Variants in DENND4C observed in about 807,000 individuals in gnomAD.
DENND4C encodes DENN domain containing 4C.
DENND4C carries 108 observed loss-of-function variants against 203.0 expected under a neutral mutation model. The observed-to-expected ratio is 0.53, with a 90% confidence interval of 0.46 to 0.62. The LOEUF is 0.62. Among genes scored for constraint, DENND4C ranks in the 20% least tolerant of loss-of-function variants. The probability of loss-of-function intolerance (pLI) is 0.00; values close to 1 mark genes in which losing one functional copy is unlikely to be tolerated. For synonymous variants in DENND4C, 871 were observed against 792.4 expected, an observed-to-expected ratio of 1.10 and a Z score of -1.67; for missense variants, 2,481 against 2,301.2, an observed-to-expected ratio of 1.08 and a Z score of -1.60.
At chr9:19,263,630 G>C in intron 1 of DENND4C, among the ~76,000 whole-genome samples, 1 of 150,812 alleles carries the variant, frequency 6.6e-6, no homozygotes, top group Non-Finnish European at 1.5e-5. Flanking sequence ...ATGTTCATTG[G>C]AGATAGTGGC....
chr9:19,273,396 C>T (rs1289915914), intron 1 of DENND4C, among the ~76,000 whole-genome samples: 1 of 151,960 alleles, frequency 6.6e-6, no homozygotes, highest in Non-Finnish European at 1.5e-5. Flanking sequence ...GACATGATTT[C>T]TTACGACATC....
In DENND4C at chr9:19,346,385, G is replaced by T; in HGVS notation, c.3616G>T (p.Glu1206Ter). The change falls in exon 23 of 33, where the codon GAG becomes TAG. Residue 1206 changes from glutamate to a stop codon, truncating the protein, a stop_gained. Coordinates refer to ENST00000434457, the MANE Select transcript of DENND4C (RefSeq NM_001330640.2). LOFTEE classifies it high-confidence loss of function. ...AACTACTGCAACAGTAGATACATAT[G>T]AGAGTCTACTAAGTGATAGTAACAG... ...PKTTATVDTY[E>*]SLLSDSNSNQ... 1 of 1,614,018 alleles carries T rather than the reference G, an allele frequency of 6.2e-7. No individual in the cohort carries two copies. The highest frequency in any genetic ancestry group is 1.1e-5 in the South Asian group (1 of 91,030).
rs57502743 is a variant in DENND4C at position 19,243,218 on chromosome 9, G to A, written c.-18+12385G>A. 1.3e-3 allele frequency among the ~76,000 whole-genome samples: 192 copies of A among 152,048 alleles called. No homozygotes were observed. The East Asian group carries it at 0.031, about 24-fold the overall frequency. On this transcript the variant is annotated intron_variant, in intron 1 of 32. Coordinates refer to ENST00000434457, the MANE Select transcript of DENND4C (RefSeq NM_001330640.2). ...TGACTTTATAGATTTACCTATTTTG[G>A]ACATTTCATAGAAATGAAGTCATAC...
intron 2 of DENND4C, among the ~76,000 whole-genome samples, chr9:19,284,256 A>G (rs748563397): frequency 6.6e-6 from 1 of 152,206 alleles, no homozygotes; most frequent in African/African-American, 2.4e-5. Flanking sequence ...CTAAGAGTAT[A>G]TACTGGCAAT....
At chr9:19,247,883 CT>C (rs1825667290) in intron 1 of DENND4C, among the ~76,000 whole-genome samples, 1 of 152,150 alleles carries the variant, frequency 6.6e-6, no homozygotes, top group East Asian at 1.9e-4. Flanking sequence ...CTTTTTTCCC[CT>C]TTTACTTCCA....
chr9:19,359,541 C>T (rs148926015), intron 28 of DENND4C, among the ~76,000 whole-genome samples: 3 of 151,896 alleles, frequency 2.0e-5, no homozygotes, highest in African/African-American at 7.3e-5. Flanking sequence ...TCTTATATGA[C>T]AAGATGTTTT....
intron 10 of DENND4C, among the ~76,000 whole-genome samples, chr9:19,307,714 G>A (rs1444945838): frequency 6.7e-6 from 1 of 148,800 alleles, no homozygotes; most frequent in African/African-American, 2.5e-5. Flanking sequence ...AGGTTGCAGT[G>A]AGCGGAGATC....
Position 19,287,012 on chromosome 9 carries a change from T to C in DENND4C, c.549T>C (p.Asn183=), listed in dbSNP as rs374395814. The change falls in exon 3 of 33, where the codon AAT becomes AAC. Residue 183 remains asparagine (N), a synonymous_variant. Coordinates refer to ENST00000434457, the MANE Select transcript of DENND4C (RefSeq NM_001330640.2). ...HTFCKVDKNL[N]CGMWGSSVFL... ...TCTGCAAAGTTGACAAAAACTTAAA[T>C]TGTGGAATGGTAAGAATAAAGTTTT... 2.0e-5 allele frequency: 25 copies of C among 1,232,010 alleles called. No individual in the cohort carries two copies. The East Asian group carries it at 3.5e-4, about 17-fold the overall frequency. 76.3% of individuals were successfully genotyped at this position (1,232,010 alleles called of 1,614,324 possible).
intron 1 of DENND4C, among the ~76,000 whole-genome samples, chr9:19,254,263 A>G (rs892948556): frequency 6.6e-6 from 1 of 152,218 alleles, no homozygotes; most frequent in African/African-American, 2.4e-5. Context: ...TGAAATCAGT[A>G]GATTGAAGAG....
chr9:19,372,301 A>G lies in DENND4C; in HGVS notation c.*128A>G. The G allele has an allele frequency of 2.7e-6, 3 of 1,129,000 alleles. No individual in the cohort carries two copies. The highest frequency in any genetic ancestry group is 1.5e-5 in the African/African-American group (1 of 64,530). 69.9% of individuals were successfully genotyped at this position (1,129,000 alleles called of 1,614,324 possible). ...AATTGAAGTAACTCTTGGGGACAAT[A>G]TATAATGAATTATGATTCATATTGC... On this transcript the variant is annotated 3_prime_UTR_variant, in exon 33 of 33. Coordinates refer to ENST00000434457, the MANE Select transcript of DENND4C (RefSeq NM_001330640.2).
chr9:19,250,958 G>A (rs1201312396), intron 1 of DENND4C, among the ~76,000 whole-genome samples: 1 of 152,194 alleles, frequency 6.6e-6, no homozygotes, highest in Non-Finnish European at 1.5e-5. Flanking sequence ...TGCAAACTGT[G>A]GGAGGATCTA....
Position 19,286,673 on chromosome 9 carries a change from C to G in DENND4C, c.306-96C>G, listed in dbSNP as rs957523001. ...ATTTTCTTTGATTTCAAGAAGAAAA[C>G]CAGCATTAACCTGAAATGCATGTAC... is the stretch of plus-strand genomic sequence containing the variant. On this transcript the variant is annotated intron_variant, in intron 2 of 32. Coordinates refer to ENST00000434457, the MANE Select transcript of DENND4C (RefSeq NM_001330640.2). 3.5e-5 allele frequency: 40 copies of G among 1,136,694 alleles called. No homozygotes were observed. The African/African-American group carries it at 5.6e-4, about 16-fold the overall frequency. The allele number at this position is 1,136,694 out of a possible 1,614,324, so 70.4% of individuals were successfully genotyped here.
intron 2 of DENND4C, 41 bp from the exon 3 acceptor site, chr9:19,286,728 G>A (rs1835289674): frequency 8.2e-7 from 1 of 1,220,946 alleles, no homozygotes; most frequent in Non-Finnish European, 1.0e-6. Flanking sequence ...ATGTGTGTAT[G>A]TATATATCTA....
At chr9:19,254,623 C>T (rs149767494) in intron 1 of DENND4C, among the ~76,000 whole-genome samples, 58 of 152,168 alleles carry the variant, frequency 3.8e-4, no homozygotes, top group African/African-American at 1.3e-3. Context: ...TAATGTACAG[C>T]ATGGTTACTA....
chr9:19,371,508 T>G (rs1001115279), intron 31 of DENND4C: 17 of 268,532 alleles, frequency 6.3e-5, no homozygotes, highest in African/African-American at 3.8e-4. Context: ...TGTTTTAACT[T>G]TAATTTGGAA....
At chr9:19,231,909 TGA>T (rs925031595) in intron 1 of DENND4C, among the ~76,000 whole-genome samples, 17 of 152,076 alleles carry the variant, frequency 1.1e-4, no homozygotes, top group African/African-American at 4.1e-4. Context: ...CTGTGTATAA[TGA>T]GAGGGGAGAA....
chr9:19,358,323 C>A lies in DENND4C; in HGVS notation c.5160+163C>A, dbSNP rs369780786. 1.9e-4 allele frequency among the ~76,000 whole-genome samples: 29 copies of A among 152,170 alleles called. 2 individuals are homozygous for A. Among genetic ancestry groups the A allele is most frequent in the Admixed American group, 7.8e-4 (12 of 15,290 alleles). ...TATTGTGGAGAATTTCAAATATGTA[C>A]AAAAAGAAACAGTATAATGAGTCCC... On this transcript the variant is annotated intron_variant, in intron 28 of 32. Coordinates refer to ENST00000434457, the MANE Select transcript of DENND4C (RefSeq NM_001330640.2). This position sits in a 1 kb window ranked among gnomAD's most constrained non-coding sequence, Gnocchi z 4.8.
At chr9:19,277,631 C>T (rs1833146774) in intron 2 of DENND4C, among the ~76,000 whole-genome samples, 1 of 151,246 alleles carries the variant, frequency 6.6e-6, no homozygotes, top group Non-Finnish European at 1.5e-5. Context: ...CCTTCCTTTG[C>T]AGTTTGGATG....
At chr9:19,349,067 G>A (rs1262058698) in intron 23 of DENND4C, among the ~76,000 whole-genome samples, 1 of 152,072 alleles carries the variant, frequency 6.6e-6, no homozygotes, top group Non-Finnish European at 1.5e-5. Flanking sequence ...CCAAAGTGCT[G>A]GGATTACAGC....
Sources: gnomAD v4.1 joint callset for allele counts (sites outside exome capture counted in the v4.1 genomes callset) on GRCh38, gnomAD v4.1.1 for gene constraint, Gnocchi (gnomAD v3.1) non-coding constraint, MANE v1.5 for transcripts, NCBI Gene and HGNC (gene_info 2026-07-23, HGNC 2026-07-21) for gene names.